Variants in ERICH3 observed in about 807,000 individuals in gnomAD.
ERICH3 encodes the protein glutamate-rich protein 3.
A neutral mutation model predicts 131.1 loss-of-function variants in ERICH3; 126 were observed. The ratio of observed to expected loss-of-function variants is 0.96; its 90% CI spans 0.83 to 1.11. The LOEUF (loss-of-function observed/expected upper bound fraction) is 1.11, where lower values mean the gene tolerates loss of function less well. Ranked by LOEUF, ERICH3 falls within the 50% of genes most tolerant of loss-of-function variation. The pLI, the probability that ERICH3 is intolerant of heterozygous loss-of-function variation, is 0.00. For missense variants in ERICH3, 2,050 were observed against 1,810.7 expected (o/e 1.13, Z -2.40); for synonymous variants, 695 against 644.6 (o/e 1.08, Z -1.18).
chr1:74,642,275 TC>T (rs1319423880), intron 4 of ERICH3, among the ~76,000 whole-genome samples: 2 of 152,132 alleles, frequency 1.3e-5, no homozygotes, highest in Non-Finnish European at 2.9e-5. Context: ...AAAATTACTG[TC>T]TTTTATGGCA....
Position 74,590,083 on chromosome 1 carries a change from A to T in ERICH3, c.1727-3T>A. On this transcript the variant is annotated splice_polypyrimidine_tract_variant and splice_region_variant and intron_variant, in intron 11 of 14. Coordinates refer to ENST00000326665, the MANE Select transcript of ERICH3 (RefSeq NM_001002912.5). ...GGTTGATGAAGCAGTTTTCATATCT[A>T]CAAAAAATAAAAGTGATGACATTGT... is the stretch of plus-strand genomic sequence containing the variant. 6.4e-7 allele frequency: 1 copy of T among 1,570,710 alleles called. No homozygotes were observed. The highest frequency in any genetic ancestry group is 8.6e-7 in the Non-Finnish European group (1 of 1,156,476).
At chr1:74,641,269 A>T in intron 5 of ERICH3, 62 bp downstream of exon 5, 1 of 1,573,788 alleles carries the variant, frequency 6.4e-7, no homozygotes, top group South Asian at 1.2e-5. Flanking sequence ...CCCTTCTGAG[A>T]ATAAGAAATA....
intron 7 of ERICH3, among the ~76,000 whole-genome samples, chr1:74,628,871 A>T (rs1429852033): frequency 6.6e-6 from 1 of 152,156 alleles, no homozygotes; most frequent in Non-Finnish European, 1.5e-5. Context: ...ACTTGGCATA[A>T]TTACAAAGAC....
chr1:74,613,752 C>T (rs1570870281), intron 8 of ERICH3, among the ~76,000 whole-genome samples: 1 of 152,118 alleles, frequency 6.6e-6, no homozygotes, highest in Non-Finnish European at 1.5e-5. Context: ...GCAAAGCCTG[C>T]CACCCTATCC....
At chr1:74,595,639 G>A (rs1246027545) in intron 11 of ERICH3, among the ~76,000 whole-genome samples, 1 of 151,988 alleles carries the variant, frequency 6.6e-6, no homozygotes, top group Non-Finnish European at 1.5e-5. Context: ...TATTCAATCA[G>A]CCCTTCATTC....
chr1:74,579,548 G>T, intron 12 of ERICH3: 2 of 985,360 alleles, frequency 2.0e-6, no homozygotes, highest in Non-Finnish European at 2.4e-6. Context: ...TTCAGATTCA[G>T]CAAGAATGGG....
intron 1 of ERICH3, among the ~76,000 whole-genome samples, chr1:74,670,425 A>G (rs1210505296): frequency 6.6e-6 from 1 of 152,170 alleles, no homozygotes; most frequent in African/African-American, 2.4e-5. Flanking sequence ...TGCTACCTCT[A>G]GAAACTTCTC....
chr1:74,588,035 T>C (rs569079918), intron 12 of ERICH3, among the ~76,000 whole-genome samples: 3 of 152,312 alleles, frequency 2.0e-5, no homozygotes, highest in Admixed American at 6.5e-5. Flanking sequence ...GCAGGCTATT[T>C]AGAAAACAAG....
At chr1:74,608,920 T>C (rs1423052146) in intron 9 of ERICH3, among the ~76,000 whole-genome samples, 3 of 152,204 alleles carry the variant, frequency 2.0e-5, no homozygotes, top group East Asian at 1.9e-4. Flanking sequence ...TTAGTTTATG[T>C]TGTGGCTGCG....
chr1:74,620,751 C>T lies in ERICH3; in HGVS notation c.983G>A (p.Gly328Asp), dbSNP rs971147692. 6.2e-7 allele frequency: 1 copy of T among 1,605,666 alleles called. No individual in the cohort carries two copies. Among genetic ancestry groups the T allele is most frequent in the Non-Finnish European group, 8.5e-7 (1 of 1,177,176 alleles). ...ATGTGTACCTTTTTCAAGTAGTTTG[C>T]CTTTGTAGACACAAAGGTTTTCCCC... The part of the protein sequence containing the change: ...CGGENLCVYK[G>D]KLLEKETFQF... The change falls in exon 8 of 15, where the codon GGC becomes GAC. Residue 328 changes from glycine to aspartate, a missense_variant. Coordinates refer to ENST00000326665, the MANE Select transcript of ERICH3 (RefSeq NM_001002912.5).
intron 11 of ERICH3, among the ~76,000 whole-genome samples, chr1:74,594,684 C>G (rs1334977057): frequency 1.3e-5 from 2 of 152,114 alleles, no homozygotes; most frequent in African/African-American, 4.8e-5. Context: ...TTGGTTCACT[C>G]TAACAGTGAC....
intron 4 of ERICH3, among the ~76,000 whole-genome samples, chr1:74,642,361 C>T (rs1646444743): frequency 6.6e-6 from 1 of 152,084 alleles, no homozygotes; most frequent in Non-Finnish European, 1.5e-5. Flanking sequence ...TGTAATACTA[C>T]AGTACACAGA....
intron 1 of ERICH3, among the ~76,000 whole-genome samples, chr1:74,670,592 T>C (rs989325269): frequency 2.0e-5 from 3 of 152,222 alleles, no homozygotes; most frequent in Admixed American, 6.5e-5. Context: ...CTCTTAATCC[T>C]GTTATCTTCG....
chr1:74,625,011 T>C (rs1264585646), intron 7 of ERICH3: 1 of 152,194 alleles, frequency 6.6e-6, no homozygotes, highest in Non-Finnish European at 1.5e-5. Context: ...ATTACAGATG[T>C]GAGCCACTGC....
chr1:74,612,178 C>T (rs1648728341), intron 9 of ERICH3, among the ~76,000 whole-genome samples: 1 of 152,128 alleles, frequency 6.6e-6, no homozygotes, highest in Admixed American at 6.5e-5. Flanking sequence ...GCAGGCAAAC[C>T]TAACCTCTAA....
chr1:74,602,747 T>C (rs17549775), intron 10 of ERICH3, among the ~76,000 whole-genome samples: 2,272 of 151,988 alleles, frequency 0.015, 28 homozygotes, highest in Middle Eastern at 0.024. Flanking sequence ...GTTATGTTGG[T>C]TTAAGAAAAA....
rs1304385717 is a variant in ERICH3, at chr1:74,572,468, G to A, written c.3242C>T (p.Thr1081Ile). The A allele has an allele frequency of 3.1e-6, 5 of 1,613,922 alleles. No homozygotes were observed. Among genetic ancestry groups the A allele is most frequent in the Non-Finnish European group, 4.2e-6 (5 of 1,180,018 alleles). The change falls in exon 14 of 15, where the codon ACA becomes ATA. Residue 1081 changes from threonine (T) to isoleucine (I), a missense_variant. By Grantham distance (89) the Thr-to-Ile change is moderately conservative. Transcript: ENST00000326665. ...RKTDSEREEVTRANALKDEDA... is the reference protein window; with the variant it reads ...RKTDSEREEVIRANALKDEDA... Reference sequence around the variant, plus strand: ...TTCATCCTTGAGTGCATTTGCCCTTGTCACCTCTTCTCTCTCAGAGTCAGT... The same window carrying A: ...TTCATCCTTGAGTGCATTTGCCCTTATCACCTCTTCTCTCTCAGAGTCAGT...
chr1:74,589,565 T>G, intron 12 of ERICH3, 66 bp downstream of exon 12: 1 of 1,470,588 alleles, frequency 6.8e-7, no homozygotes, highest in Non-Finnish European at 9.4e-7. Flanking sequence ...TTTGGCATAG[T>G]GCAATGACCA....
At chr1:74,646,579 G>T in intron 3 of ERICH3, 88 bp downstream of exon 3, 2 of 834,166 alleles carry the variant, frequency 2.4e-6, no homozygotes, top group South Asian at 3.1e-5. Flanking sequence ...CAATTACAAA[G>T]AAAATAGTAA....
Sources: allele counts gnomAD v4.1 joint callset (sites outside exome capture counted in the v4.1 genomes callset), GRCh38; gene constraint gnomAD v4.1.1; transcripts MANE v1.5; gene names NCBI Gene and HGNC (gene_info 2026-07-23, HGNC 2026-07-21).